The following TRAF1 variants were observed in gnomAD, a reference collection of about 807,000 sequenced individuals.
TRAF1 encodes the protein TNF receptor-associated factor 1.
A neutral mutation model predicts 40.9 loss-of-function variants in TRAF1; 23 were observed. The ratio of observed to expected loss-of-function variants is 0.56; its 90% confidence interval spans 0.40 to 0.80. The LOEUF (loss-of-function observed/expected upper bound fraction) is 0.80. Among genes scored for constraint, TRAF1 ranks in the 30% least tolerant of loss-of-function variants. The pLI is 0.00. For synonymous variants in TRAF1, 206 were observed against 218.8 expected, an observed-to-expected ratio of 0.94 and a Z score of 0.52; for missense variants, 477 against 528.7, an observed-to-expected ratio of 0.90 and a Z score of 0.96.
intron 3 of TRAF1, among the ~76,000 whole-genome samples, chr9:120,919,522 C>T (rs531866521): frequency 6.6e-6 from 1 of 152,344 alleles, no homozygotes; most frequent in African/African-American, 2.4e-5. Context: ...GCAGGCCAGG[C>T]ACTGCCTACC....
chr9:120,929,109 C>T (rs112678167), upstream of TRAF1: 13,612 of 152,444 alleles, frequency 0.089, 1,524 homozygotes, highest in African/African-American at 0.25. The surrounding 1 kb of genome is among the most constrained non-coding windows in gnomAD (Gnocchi z 4.5). Context: ...TGTAGGGCAG[C>T]CAACCTCGGC....
chr9:120,902,831 T>C lies in TRAF1; in HGVS notation c.*2189A>G, dbSNP rs1483395435. On this transcript the variant is annotated 3_prime_UTR_variant, in exon 8 of 8. Coordinates refer to ENST00000373887, the MANE Select transcript of TRAF1 (RefSeq NM_005658.5). ...TCCACTGAACTAAGAGTTTCTTGAG[T>C]CCAGAGTGCACATCTTGCCTTTCTC... 6.6e-6 allele frequency: 1 copy of C among 152,208 alleles called. No individual in the cohort carries two copies. 9.4% of individuals were successfully genotyped at this position (152,208 alleles called of 1,614,324 possible). A position where few individuals can be genotyped will look rare whatever the true frequency, so the allele number is the denominator to read the frequency against.
chr9:120,911,292 G>A, intron 6 of TRAF1, 44 bp downstream of exon 6: 1 of 1,592,986 alleles, frequency 6.3e-7, no homozygotes, highest in African/African-American at 1.3e-5. Context: ...GTCCTGTGGG[G>A]CCTGTTTCCC....
chr9:120,921,006 T>C (rs2046601029), intron 3 of TRAF1, among the ~76,000 whole-genome samples: 1 of 152,096 alleles, frequency 6.6e-6, no homozygotes, highest in Non-Finnish European at 1.5e-5. Flanking sequence ...TTTGTGTAGG[T>C]GATCAGACCA....
chr9:120,927,448 A>G (rs2046648381), upstream of TRAF1: 1 of 152,092 alleles, frequency 6.6e-6, no homozygotes, highest in South Asian at 2.1e-4. Flanking sequence ...GGACAATAAT[A>G]CCTATTTCAC....
upstream of TRAF1, chr9:120,928,373 G>A (rs1362495942): frequency 6.6e-6 from 1 of 152,320 alleles, no homozygotes; most frequent in Non-Finnish European, 1.5e-5. Context: ...ATCTCTCCAA[G>A]TGTATACGCA....
Position 120,913,753 on chromosome 9 carries a change from G to T in TRAF1, c.295-15C>A. On this transcript the variant is annotated splice_polypyrimidine_tract_variant and intron_variant, in intron 4 of 7. Transcript: ENST00000373887. ...TGTGGGCTTCCCTGACAAGAGAGTG[G>T]GGCTGATCAGTGAAAACAGAGGTGG... 6.5e-7 allele frequency: 1 copy of T among 1,539,500 alleles called. No homozygotes were observed.
intron 3 of TRAF1, among the ~76,000 whole-genome samples, chr9:120,919,028 G>T (rs2046587486): frequency 6.6e-6 from 1 of 152,192 alleles, no homozygotes; most frequent in South Asian, 2.1e-4. Flanking sequence ...GAGTCCGTGT[G>T]CAGGCTCCGT....
At chr9:120,914,085 G>A in intron 4 of TRAF1, 150 bp downstream of exon 4, 1 of 630,154 alleles carries the variant, frequency 1.6e-6, no homozygotes, top group Non-Finnish European at 2.5e-6. Flanking sequence ...CTTAATAGTA[G>A]GCTCTGATGC....
intron 3 of TRAF1, among the ~76,000 whole-genome samples, chr9:120,917,292 A>G (rs568077329): frequency 2.0e-4 from 31 of 152,244 alleles, no homozygotes; most frequent in African/African-American, 7.2e-4. Flanking sequence ...CTTAGAGTGC[A>G]CGGGAGTTCA....
intron 7 of TRAF1, among the ~76,000 whole-genome samples, chr9:120,906,013 C>T (rs1340822914): frequency 6.6e-6 from 1 of 152,020 alleles, no homozygotes; most frequent in Non-Finnish European, 1.5e-5. Context: ...GGTAGGAGAA[C>T]CTACTGACTC....
chr9:120,914,129 T>C (rs949029745), intron 4 of TRAF1, 106 bp downstream of exon 4: 10 of 951,316 alleles, frequency 1.1e-5, no homozygotes, highest in Middle Eastern at 2.3e-4. Flanking sequence ...GACATCCAGA[T>C]GAGTGGACTG....
At position 120,924,414 on chromosome 9, in the gene TRAF1, T is replaced by G. The variant is rs540399657; in HGVS notation, c.141-622A>C. 6.6e-5 allele frequency among the ~76,000 whole-genome samples: 10 copies of G among 151,860 alleles called. No homozygotes were observed. The East Asian group carries it at 7.8e-4, about 12-fold the overall frequency. On this transcript the variant is annotated intron_variant, in intron 2 of 7. Transcript: ENST00000373887. ...ACCCGTGGGTTTTTTGTCTGTTTTT[T>G]GGGGGTTTTTCTTTTTTTGAGACAG...
intron 7 of TRAF1, among the ~76,000 whole-genome samples, chr9:120,908,856 G>A (rs1588148233): frequency 1.3e-5 from 2 of 152,034 alleles, no homozygotes; most frequent in South Asian, 2.1e-4. Context: ...CACCATGCCT[G>A]GCCAGATGGT....
At position 120,906,181 on chromosome 9, in the gene TRAF1, T is replaced by TTTG. The variant is rs113424887; in HGVS notation, c.1033-944_1033-943insCAA. On this transcript the variant is annotated intron_variant, in intron 7 of 7. Transcript: ENST00000373887. ...TATAAGAATTATGGTGTGTTTTTTTTTTTTTTTTTTTTTTTGAGACAGAGT... is the reference window on the plus strand; with the variant it reads ...TATAAGAATTATGGTGTGTTTTTTTTTTGTTTTTTTTTTTTTTTGAGACAGAGT... Among the ~76,000 whole-genome samples the TTTG allele has an allele frequency of 6.9e-3, 755 of 108,800 alleles. 12 individuals carry two copies. Among genetic ancestry groups the TTTG allele is most frequent in the South Asian group, 0.044 (96 of 2,188 alleles). 71.4% of individuals were successfully genotyped at this position (108,800 alleles called of 152,430 possible).
chr9:120,923,475 AC>A (rs1490829141), intron 3 of TRAF1, among the ~76,000 whole-genome samples: 1 of 152,138 alleles, frequency 6.6e-6, no homozygotes, highest in Non-Finnish European at 1.5e-5. Context: ...TAGTTTGTGG[AC>A]CCCTGGTCTG....
At position 120,902,559 on chromosome 9, in the gene TRAF1, C is replaced by A. The variant is rs1005927839; in HGVS notation, c.*2461G>T. The A allele has an allele frequency of 2.0e-5, 3 of 152,078 alleles. No homozygotes were observed. The highest frequency in any genetic ancestry group is 7.3e-5 in the African/African-American group (3 of 41,344). The allele number at this position is 152,078 out of a possible 1,614,324, so 9.4% of individuals were successfully genotyped here. A position where few individuals can be genotyped will look rare whatever the true frequency, so the allele number is the denominator to read the frequency against. On this transcript the variant is annotated 3_prime_UTR_variant, in exon 8 of 8. Coordinates refer to ENST00000373887, the MANE Select transcript of TRAF1 (RefSeq NM_005658.5). ...GCTGCATCTGATGCTGTCTACACTCCAGTTCATCTGACCCTTCTGACTCCC... is the reference window on the plus strand; with the variant it reads ...GCTGCATCTGATGCTGTCTACACTCAAGTTCATCTGACCCTTCTGACTCCC...
In TRAF1 at chr9:120,911,651, T is replaced by C. The variant is rs1371899201; in HGVS notation, c.706-138A>G. ...ACTCAGGTGTGCGTCTGCATCTGAA[T>C]GTGCTGCCCCCTGCCTGGCCTTCCT... On this transcript the variant is annotated intron_variant, in intron 5 of 7. Coordinates refer to ENST00000373887, the MANE Select transcript of TRAF1 (RefSeq NM_005658.5). 4 of 998,678 alleles carry C rather than the reference T, an allele frequency of 4.0e-6. No individual in the cohort carries two copies. The East Asian group carries it at 7.7e-5, about 19-fold the overall frequency. 61.9% of individuals were successfully genotyped at this position (998,678 alleles called of 1,614,324 possible). A position where few individuals can be genotyped will look rare whatever the true frequency, so the allele number is the denominator to read the frequency against.
At position 120,905,082 on chromosome 9, in the gene TRAF1, T is replaced by C; in HGVS notation, c.1189A>G (p.Lys397Glu). The C allele has an allele frequency of 3.1e-6, 5 of 1,614,240 alleles. No individual in the cohort carries two copies. Among genetic ancestry groups the C allele is most frequent in the Non-Finnish European group, 4.2e-6 (5 of 1,180,040 alleles). The change falls in exon 8 of 8, where the codon AAG (lysine) becomes GAG (glutamate). Residue 397 changes from lysine to glutamate, a missense_variant. Lys to Glu is a moderately conservative substitution (Grantham distance 56). Transcript: ENST00000373887. The part of the protein sequence containing the change: ...FFPLSKLQSP[K>E]HAYVKDDTMF... ...GTGTCGTCCTTCACGTAGGCGTGCT[T>C]GGGTGACTGCAGTTTGCTGAGGGGG...
Sources: gnomAD v4.1 joint callset for allele counts (sites outside exome capture counted in the v4.1 genomes callset) on GRCh38, gnomAD v4.1.1 for gene constraint, Gnocchi (gnomAD v3.1) non-coding constraint, MANE v1.5 for transcripts, NCBI Gene and HGNC (gene_info 2026-07-23, HGNC 2026-07-21) for gene names.